The following PCA3 variants were observed in gnomAD, a reference collection of about 807,000 sequenced individuals.
PCA3 encodes Differential Display code 3.
intron 2 of PCA3, among the ~76,000 whole-genome samples, chr9:76,775,639 A>G (rs1426191381): frequency 2.6e-5 from 4 of 152,164 alleles, no homozygotes; most frequent in Non-Finnish European, 5.9e-5. Context: ...CAGTCTGTCC[A>G]TATTTCTTCT....
chr9:76,786,482 T>C (rs1437459309), intron 2 of PCA3: 1 of 152,254 alleles, frequency 6.6e-6, no homozygotes, highest in Admixed American at 6.5e-5. Context: ...AGTTGAATTC[T>C]CCTATTATGG....
intron 2 of PCA3, among the ~76,000 whole-genome samples, chr9:76,783,194 T>C (rs2054610982): frequency 6.6e-6 from 1 of 152,230 alleles, no homozygotes; most frequent in South Asian, 2.1e-4. Flanking sequence ...TCGAGTGCAA[T>C]GGCACAATTA....
At chr9:76,776,076 A>C (rs571075692) in intron 2 of PCA3, among the ~76,000 whole-genome samples, 10 of 152,370 alleles carry the variant, frequency 6.6e-5, no homozygotes, top group African/African-American at 2.4e-4. Flanking sequence ...TCACGTGCAC[A>C]GAGTAATCAA....
At chr9:76,781,005 T>G (rs1410075094) in intron 2 of PCA3, among the ~76,000 whole-genome samples, 4 of 152,216 alleles carry the variant, frequency 2.6e-5, no homozygotes, top group Non-Finnish European at 5.9e-5. Flanking sequence ...TTTTCCTCCC[T>G]AGTCCCCATA....
At chr9:76,785,490 A>G (rs947288090) in intron 2 of PCA3, 1 of 152,218 alleles carries the variant, frequency 6.6e-6, no homozygotes, top group Admixed American at 6.5e-5. Flanking sequence ...CTCTATCACA[A>G]TATCCAACAA....
intron 2 of PCA3, chr9:76,784,515 T>C (rs1214840871): frequency 6.6e-6 from 1 of 152,222 alleles, no homozygotes. Flanking sequence ...AACAAAGCTG[T>C]TGTAATATCT....
intron 2 of PCA3, among the ~76,000 whole-genome samples, chr9:76,769,495 TCG>T (rs2052839944): frequency 7.1e-5 from 3 of 42,536 alleles, no homozygotes; most frequent in African/African-American, 1.1e-4. Context: ...CAATCTCGGC[TCG>T]TCGTCGCAAC....
intron 2 of PCA3, chr9:76,778,504 C>G (rs1343398): frequency 0.27 from 40,818 of 152,090 alleles, 5,729 homozygotes; most frequent in East Asian, 0.48. Context: ...CACAGGAGAT[C>G]AGTTGGAGCA....
intron 2 of PCA3, among the ~76,000 whole-genome samples, chr9:76,776,352 C>T (rs560172724): frequency 6.6e-6 from 1 of 152,052 alleles, no homozygotes; most frequent in Non-Finnish European, 1.5e-5. Flanking sequence ...TGTGTACACA[C>T]TGTTTAGCCC....
intron 2 of PCA3, among the ~76,000 whole-genome samples, chr9:76,782,497 C>T (rs2054521637): frequency 1.3e-5 from 2 of 152,214 alleles, no homozygotes; most frequent in South Asian, 2.1e-4. Flanking sequence ...AAGACAACTA[C>T]AGCATCTTCT....
intron 2 of PCA3, chr9:76,779,527 A>C (rs1478779210): frequency 6.6e-6 from 1 of 152,184 alleles, no homozygotes; most frequent in African/African-American, 2.4e-5. Context: ...ATTTTAAGAG[A>C]AAGTTTTAGA....
At chr9:76,765,079 G>A (rs1051154832) in intron 2 of PCA3, among the ~76,000 whole-genome samples, 4 of 152,134 alleles carry the variant, frequency 2.6e-5, no homozygotes, top group African/African-American at 9.7e-5. Flanking sequence ...AGAGATATAC[G>A]TTTTGAGTTC....
intron 2 of PCA3, among the ~76,000 whole-genome samples, chr9:76,783,005 C>G (rs1296415560): frequency 6.6e-6 from 1 of 152,200 alleles, no homozygotes; most frequent in Non-Finnish European, 1.5e-5. Flanking sequence ...TGTTACGTGT[C>G]ATTTTCCTTA....
At chr9:76,768,577 A>ATGTGTGTG (rs879821167) in intron 2 of PCA3, among the ~76,000 whole-genome samples, 52 of 98,180 alleles carry the variant, frequency 5.3e-4, no homozygotes, top group African/African-American at 1.6e-3. Context: ...ATATATATGT[A>ATGTGTGTG]TATGTATGTG....
At chr9:76,777,013 G>C (rs2053876773) in intron 2 of PCA3, among the ~76,000 whole-genome samples, 1 of 151,542 alleles carries the variant, frequency 6.6e-6, no homozygotes, top group Admixed American at 6.6e-5. Context: ...CTCTTGGGTT[G>C]GGTTCCCACA....
At chr9:76,783,188 G>A (rs770525274) in intron 2 of PCA3, among the ~76,000 whole-genome samples, 3 of 152,152 alleles carry the variant, frequency 2.0e-5, no homozygotes, top group African/African-American at 4.8e-5. Context: ...CCAGGTTCGA[G>A]TGCAATGGCA....
intron 2 of PCA3, chr9:76,786,531 CAT>C (rs2055000625): frequency 6.6e-6 from 1 of 152,126 alleles, no homozygotes; most frequent in Non-Finnish European, 1.5e-5. Context: ...CCTCTTGACA[CAT>C]ATTAGCTTCT....
At chr9:76,774,528 G>A (rs138089862) in intron 2 of PCA3, among the ~76,000 whole-genome samples, 2,895 of 141,734 alleles carry the variant, frequency 0.02, 50 homozygotes, top group Middle Eastern at 0.032. Context: ...GCACGATCTC[G>A]GCTCACTGCA....
chr9:76,772,716 G>A (rs552443602), intron 2 of PCA3, among the ~76,000 whole-genome samples: 8 of 152,076 alleles, frequency 5.3e-5, no homozygotes, highest in South Asian at 2.1e-4. Context: ...GGCACACACG[G>A]CTGTATCCAG....
Sources: gnomAD v4.1 joint callset for allele counts (sites outside exome capture counted in the v4.1 genomes callset) on GRCh38, gnomAD v4.1.1 for gene constraint, MANE v1.5 for transcripts, NCBI Gene and HGNC (gene_info 2026-07-23, HGNC 2026-07-21) for gene names.